The following MYOCD variants were observed in gnomAD, a reference collection of about 807,000 sequenced individuals.
The protein encoded by MYOCD is myocardin.
Under a neutral mutation model 96.1 loss-of-function variants are expected in MYOCD, and 32 were observed. The observed-to-expected ratio is 0.33, with a 90% confidence interval of 0.25 to 0.45. The LOEUF is 0.45. Ranked by LOEUF, MYOCD falls within the 20% of genes least tolerant of loss-of-function variation. The pLI is 1.00. For synonymous variants in MYOCD, 469 were observed against 469.0 expected (o/e 1.00, Z 0.00); for missense variants, 1,133 against 1,200.6 (o/e 0.94, Z 0.83).
intron 5 of MYOCD, 29 bp from the exon 6 acceptor site, chr17:12,736,132 G>T (rs772024592): frequency 2.8e-5 from 45 of 1,610,436 alleles, no homozygotes; most frequent in Non-Finnish European, 3.6e-5. Context: ...CTAAGCCACT[G>T]ACCAAGTTCC....
chr17:12,748,609 G>A (rs764215856), intron 9 of MYOCD, among the ~76,000 whole-genome samples: 3 of 152,106 alleles, frequency 2.0e-5, no homozygotes, highest in South Asian at 2.1e-4. Flanking sequence ...CTGAACAAGC[G>A]CATACAGTGT....
At position 12,756,433 on chromosome 17, in the gene MYOCD, G is replaced by A. The variant is rs1247402557; in HGVS notation, c.2078G>A (p.Gly693Asp). The A allele has an allele frequency of 5.8e-6, 9 of 1,552,002 alleles. No individual in the cohort carries two copies. The highest frequency in any genetic ancestry group is 7.0e-6 in the Non-Finnish European group (8 of 1,147,086). The change falls in exon 11 of 14, where the codon GGC (glycine) becomes GAC (aspartate). Residue 693 changes from glycine to aspartate, a missense_variant. Gly to Asp is a moderately conservative substitution (Grantham distance 94). Transcript: ENST00000425538. ...CTAQNSGAHD[G>D]HPPSFSPHSS... ...TTGCAGAACTCAGGAGCACACGATG[G>A]CCATCCTCCAAGCTTCTCTCCCCAT...
chr17:12,727,211 A>G (rs2032025047), intron 5 of MYOCD, among the ~76,000 whole-genome samples: 1 of 152,244 alleles, frequency 6.6e-6, no homozygotes, highest in African/African-American at 2.4e-5. Context: ...CAGAAGATAC[A>G]GGGTGACTTA....
intron 1 of MYOCD, among the ~76,000 whole-genome samples, chr17:12,689,878 C>T (rs2044041844): frequency 6.6e-6 from 1 of 152,100 alleles, no homozygotes; most frequent in Admixed American, 6.5e-5. Flanking sequence ...TAACACTATA[C>T]ACTAAAATTA....
rs1052556855 is a variant in MYOCD, at chr17:12,762,985, T to C, written c.2390-88T>C. 7.0e-6 allele frequency: 8 copies of C among 1,142,252 alleles called. No individual in the cohort carries two copies. In the African/African-American group the frequency reaches 1.2e-4, roughly 18 times the overall value. The allele number at this position is 1,142,252 out of a possible 1,614,324, so 70.8% of individuals were successfully genotyped here. On this transcript the variant is annotated intron_variant, in intron 13 of 13. Coordinates refer to ENST00000425538, the MANE Select transcript of MYOCD (RefSeq NM_001146312.3). Reference sequence around the variant, plus strand: ...AGCGGTGACCAGGGAAGCGTGGCCATCTTCTGTATCTAAGTGTAACTCACT... The same window carrying C: ...AGCGGTGACCAGGGAAGCGTGGCCACCTTCTGTATCTAAGTGTAACTCACT...
intron 2 of MYOCD, among the ~76,000 whole-genome samples, chr17:12,708,849 C>G (rs1045422204): frequency 6.6e-6 from 1 of 152,180 alleles, no homozygotes; most frequent in African/African-American, 2.4e-5. Context: ...TGATCCCCGC[C>G]TAGGCTCCTT....
At chr17:12,761,840 G>GTCTC (rs1276150294) in intron 13 of MYOCD, 16 of 152,374 alleles carry the variant, frequency 1.1e-4, no homozygotes, top group African/African-American at 3.1e-4. Flanking sequence ...GGCCAGGATG[G>GTCTC]TCTCAATCTC....
chr17:12,676,561 A>C (rs191106091), intron 1 of MYOCD, among the ~76,000 whole-genome samples: 1 of 151,550 alleles, frequency 6.6e-6, no homozygotes, highest in Non-Finnish European at 1.5e-5. Flanking sequence ...TTTTTTTAAG[A>C]TATGGAGTGA....
chr17:12,685,340 C>T (rs547628615), intron 1 of MYOCD, among the ~76,000 whole-genome samples: 1 of 151,952 alleles, frequency 6.6e-6, no homozygotes, highest in East Asian at 1.9e-4. Flanking sequence ...CACAGTGGCT[C>T]ACGCCTGTAA....
At position 12,753,239 on chromosome 17, in the gene MYOCD, T is replaced by C. The variant is rs553771338; in HGVS notation, c.1951T>C (p.Leu651=). The C allele has an allele frequency of 6.2e-7, 1 of 1,614,110 alleles. No homozygotes were observed. Among genetic ancestry groups the C allele is most frequent in the Non-Finnish European group, 8.5e-7 (1 of 1,180,002 alleles). Residue 651 remains leucine (L), a synonymous_variant, in exon 10 of 14, where the codon TTG becomes CTG. Transcript: ENST00000425538. Reference sequence around the variant, plus strand: ...TGTGAAAAGCCCACAGCACATCAGTTTGCCCCCATCACCCAACAACCCTCA... The same window carrying C: ...TGTGAAAAGCCCACAGCACATCAGTCTGCCCCCATCACCCAACAACCCTCA... ...GAVKSPQHIS[L]PPSPNNPHFL... is the part of the protein sequence containing the mutation.
intron 8 of MYOCD, among the ~76,000 whole-genome samples, chr17:12,745,350 C>T (rs892805289): frequency 6.6e-6 from 1 of 152,142 alleles, no homozygotes; most frequent in African/African-American, 2.4e-5. Flanking sequence ...GCTAGGATTA[C>T]AGGCATGCGC....
In MYOCD at chr17:12,763,605, T is replaced by A. The variant is rs762910353; in HGVS notation, c.2922T>A (p.Asn974Lys). Residue 974 changes from asparagine (N) to lysine (K), a missense_variant, in exon 14 of 14, where the codon AAT becomes AAA. Coordinates refer to ENST00000425538, the MANE Select transcript of MYOCD (RefSeq NM_001146312.3). Reference sequence around the variant, plus strand: ...ATTTCCTGGATGTCACTGATCTCAATTTGAATTCTTCCATGGACCTTCACT... The same window carrying A: ...ATTTCCTGGATGTCACTGATCTCAAATTGAATTCTTCCATGGACCTTCACT... Reference protein sequence around the residue: ...NIDFLDVTDLNLNSSMDLHLQ... With the variant: ...NIDFLDVTDLKLNSSMDLHLQ... 1 of 1,613,870 alleles carries A rather than the reference T, an allele frequency of 6.2e-7. No individual in the cohort carries two copies. The highest frequency in any genetic ancestry group is 1.1e-5 in the South Asian group (1 of 91,018).
intron 6 of MYOCD, among the ~76,000 whole-genome samples, chr17:12,737,080 C>T (rs2032368164): frequency 2.6e-5 from 4 of 151,854 alleles, no homozygotes; most frequent in African/African-American, 9.7e-5. Flanking sequence ...CACGGTGAAA[C>T]CCCGTCTCTA....
intron 7 of MYOCD, among the ~76,000 whole-genome samples, chr17:12,742,695 C>T (rs570801433): frequency 1.3e-5 from 2 of 152,090 alleles, no homozygotes; most frequent in African/African-American, 2.4e-5. Flanking sequence ...CTCACCCTCC[C>T]GAGAAGCTGA....
rs778429833 is a variant in MYOCD at position 12,763,318 on chromosome 17, G to A, written c.2635G>A (p.Glu879Lys). 16 of 1,608,532 alleles carry A rather than the reference G, an allele frequency of 9.9e-6. No individual in the cohort carries two copies. The highest frequency in any genetic ancestry group is 4.5e-5 in the East Asian group (2 of 44,864). The change falls in exon 14 of 14, where the codon GAA becomes AAA. Residue 879 changes from glutamate (E) to lysine (K), a missense_variant. Glu to Lys is a moderately conservative substitution (Grantham distance 56). Coordinates refer to ENST00000425538, the MANE Select transcript of MYOCD (RefSeq NM_001146312.3). ...SDVTLLKIGS[E>K]EPHFDGIMDG... is the part of the protein sequence containing the mutation. ...TGTCACCCTTCTAAAAATTGGGAGCGAAGAGCCTCACTTTGATGGGATAAT... is the reference window on the plus strand; with the variant it reads ...TGTCACCCTTCTAAAAATTGGGAGCAAAGAGCCTCACTTTGATGGGATAAT...
intron 4 of MYOCD, among the ~76,000 whole-genome samples, chr17:12,721,021 TAAA>T (rs760458241): frequency 9.3e-6 from 1 of 107,570 alleles, no homozygotes; most frequent in Non-Finnish European, 1.9e-5. Context: ...GACTCTGTCT[TAAA>T]AAAAAAAAAA....
chr17:12,697,060 C>A (rs2030787300), intron 1 of MYOCD, among the ~76,000 whole-genome samples: 1 of 151,888 alleles, frequency 6.6e-6, no homozygotes. Context: ...ATTCCCATGC[C>A]CCATAACCAA....
intron 2 of MYOCD, chr17:12,710,670 A>C: frequency 4.7e-6 from 1 of 210,954 alleles, no homozygotes; most frequent in Non-Finnish European, 8.2e-6. Flanking sequence ...TCCTTTTCTC[A>C]GTGCATTCAT....
intron 1 of MYOCD, among the ~76,000 whole-genome samples, chr17:12,666,470 GC>G (rs1909381019): frequency 6.6e-6 from 1 of 152,152 alleles, no homozygotes; most frequent in African/African-American, 2.4e-5. Flanking sequence ...CTGTGAAAAG[GC>G]CAATCCTTTT....
Sources: gnomAD v4.1 joint callset for allele counts (sites outside exome capture counted in the v4.1 genomes callset) on GRCh38, gnomAD v4.1.1 for gene constraint, MANE v1.5 for transcripts, NCBI Gene and HGNC (gene_info 2026-07-23, HGNC 2026-07-21) for gene names.